The following LTBP4 variants were observed in gnomAD, a reference collection of about 807,000 sequenced individuals.
LTBP4 encodes the protein latent-transforming growth factor beta-binding protein 4.
A neutral mutation model predicts 180.2 loss-of-function variants in LTBP4; 93 were observed. The observed-to-expected ratio is 0.52, with a 90% CI of 0.44 to 0.61. The LOEUF (loss-of-function observed/expected upper bound fraction) is 0.61. Among genes scored for constraint, LTBP4 ranks in the 20% least tolerant of loss-of-function variants. LTBP4 has a pLI of 0.00. For synonymous variants in LTBP4, 947 were observed against 934.5 expected, an observed-to-expected ratio of 1.01 and a Z score of -0.24; for missense variants, 2,116 against 2,256.5, an observed-to-expected ratio of 0.94 and a Z score of 1.26.
chr19:40,612,750 C>T (rs1466344181), intron 15 of LTBP4, among the ~76,000 whole-genome samples: 3 of 152,212 alleles, frequency 2.0e-5, no homozygotes, highest in African/African-American at 4.8e-5. Flanking sequence ...TCAGCCGAAT[C>T]CCATCCAATG....
Position 40,613,850 on chromosome 19 carries a change from G to C in LTBP4, c.2558-66G>C. 1 of 1,606,056 alleles carries C rather than the reference G, an allele frequency of 6.2e-7. No individual in the cohort carries two copies. The highest frequency in any genetic ancestry group is 1.1e-5 in the South Asian group (1 of 90,418). ...CTAGGAGAGCCGAGGGGCGGTGGAG[G>C]GGTGTGGCCTAGAATGTTAGGCGGA... On this transcript the variant is annotated intron_variant, in intron 17 of 29. Coordinates refer to ENST00000396819, the MANE Select transcript of LTBP4 (RefSeq NM_001042545.2). This position sits in a 1 kb window ranked among gnomAD's most constrained non-coding sequence, Gnocchi z 5.0.
chr19:40,622,680 T>C lies in LTBP4; in HGVS notation c.3484+13T>C. The C allele has an allele frequency of 1.9e-6, 3 of 1,591,616 alleles. No individual in the cohort carries two copies. Among genetic ancestry groups the C allele is most frequent in the Non-Finnish European group, 1.7e-6 (2 of 1,169,544 alleles). ...GGCACCGAGACAGGTGGGCATGGGC[T>C]GATGGGGACACAGGGCTGAGGGCTT... is the stretch of plus-strand genomic sequence containing the variant. On this transcript the variant is annotated intron_variant, in intron 23 of 29. Coordinates refer to ENST00000396819, the MANE Select transcript of LTBP4 (RefSeq NM_001042545.2). This position sits in a 1 kb window ranked among gnomAD's most constrained non-coding sequence, Gnocchi z 5.1.
At position 40,609,346 on chromosome 19, in the gene LTBP4, G is replaced by A. The variant is rs1959770023; in HGVS notation, c.1427-184G>A. Among the ~76,000 whole-genome samples the A allele has an allele frequency of 6.6e-6, 1 of 152,148 alleles. No individual in the cohort carries two copies. The highest frequency in any genetic ancestry group is 2.1e-4 in the South Asian group (1 of 4,830). On this transcript the variant is annotated intron_variant, in intron 9 of 29. Coordinates refer to ENST00000396819, the MANE Select transcript of LTBP4 (RefSeq NM_001042545.2). This position sits in a 1 kb window ranked among gnomAD's most constrained non-coding sequence, Gnocchi z 4.9. ...TGGGGTGGCATGATGAGGGGATTCG[G>A]CCAAGGATCTGATGAGAACGTTCCA...
In LTBP4 at chr19:40,627,191, C is replaced by T. The variant is rs772507329; in HGVS notation, c.4202C>T (p.Ala1401Val). 12 of 1,612,096 alleles carry T rather than the reference C, an allele frequency of 7.4e-6. No individual in the cohort carries two copies. In the East Asian group the frequency reaches 2.0e-4, roughly 27 times the overall value. The change falls in exon 28 of 30, where the codon GCA (alanine) becomes GTA (valine). Residue 1401 changes from alanine to valine, a missense_variant. Ala to Val is a moderately conservative substitution (Grantham distance 64). Coordinates refer to ENST00000396819, the MANE Select transcript of LTBP4 (RefSeq NM_001042545.2). Reference protein sequence around the residue: ...PFARREAPYGAPRFDMPDFED... With the variant: ...PFARREAPYGVPRFDMPDFED... ...GCCCGCCGGGAGGCTCCTTATGGGGCACCCCGCTTCGACATGCCAGACTTT... is the reference window on the plus strand; with the variant it reads ...GCCCGCCGGGAGGCTCCTTATGGGGTACCCCGCTTCGACATGCCAGACTTT...
rs1053215900 is a variant in LTBP4, at chr19:40,609,856, G to A, written c.1669G>A (p.Ala557Thr). ...CGPGFRAGPR[A>T]AECLDVDECH... is the part of the protein sequence containing the mutation. ...CCCGGGCTTCCGAGCCGGCCCACGG[G>A]CTGCGGAATGCCTGGGTGAGAAATT... is the stretch of plus-strand genomic sequence containing the variant. Residue 557 changes from alanine to threonine, a missense_variant, in exon 11 of 30, where the codon GCT becomes ACT. Physicochemically the swap from Ala to Thr is moderately conservative, Grantham distance 58. This residue lies in a region of LTBP4 where 877 missense variants were observed against 873.6 expected (regional missense o/e 1.00). Transcript: ENST00000396819. The surrounding 1 kb of genome is among the most constrained non-coding windows in gnomAD (Gnocchi z 4.9). The A allele has an allele frequency of 6.3e-7, 1 of 1,579,602 alleles. No homozygotes were observed. The highest frequency in any genetic ancestry group is 1.8e-5 in the Admixed American group (1 of 56,798).
chr19:40,626,059 C>A, intron 27 of LTBP4, 50 bp downstream of exon 27: 1 of 1,517,568 alleles, frequency 6.6e-7, no homozygotes, highest in East Asian at 2.5e-5. Flanking sequence ...CCATGGGCTC[C>A]AAATCTAGGC....
intron 22 of LTBP4, among the ~76,000 whole-genome samples, chr19:40,620,224 T>C (rs2081576673): frequency 6.9e-6 from 1 of 144,796 alleles, no homozygotes; most frequent in African/African-American, 2.6e-5. Flanking sequence ...TTCGGCGTTT[T>C]TTTTTTGAAA....
At position 40,605,338 on chromosome 19, in the gene LTBP4, G is replaced by A. The variant is rs917605139; in HGVS notation, c.443-67G>A. The A allele has an allele frequency of 4.4e-6, 7 of 1,593,034 alleles. No homozygotes were observed. Among genetic ancestry groups the A allele is most frequent in the Admixed American group, 1.7e-5 (1 of 57,786 alleles). ...CACCTTTGCCCAGCTCGCCCTCCCCGCCTTGTCTAGCCCCACCCCGTAAGA... is the reference window on the plus strand; with the variant it reads ...CACCTTTGCCCAGCTCGCCCTCCCCACCTTGTCTAGCCCCACCCCGTAAGA... On this transcript the variant is annotated intron_variant, in intron 2 of 29. Transcript: ENST00000396819. The surrounding 1 kb of genome is among the most constrained non-coding windows in gnomAD (Gnocchi z 5.5).
chr19:40,594,085 G>A (rs768251955), intron 1 of LTBP4, among the ~76,000 whole-genome samples: 1 of 151,764 alleles, frequency 6.6e-6, no homozygotes, highest in Non-Finnish European at 1.5e-5. Context: ...GACGTGAGCC[G>A]GCCTTATTCT....
At chr19:40,597,019 G>T (rs2081394099), upstream of LTBP4, among the ~76,000 whole-genome samples, 1 of 152,090 alleles carries the variant, frequency 6.6e-6, no homozygotes, top group African/African-American at 2.4e-5. Context: ...CGCGCCCCTA[G>T]TCCGGCACCT....
chr19:40,594,402 A>T (rs539849613), intron 1 of LTBP4: 1 of 150,094 alleles, frequency 6.7e-6, no homozygotes, highest in South Asian at 2.1e-4. Context: ...GGAGCTGGGG[A>T]CTCCAAATTC....
upstream of LTBP4, chr19:40,599,221 G>A: frequency 6.2e-7 from 1 of 1,612,394 alleles, no homozygotes. Context: ...GCTGCTGCCC[G>A]GGCCAGACGT....
In LTBP4 at chr19:40,605,129, G is replaced by A. The variant is rs35364645; in HGVS notation, c.345G>A (p.Leu115=). ...PPDFAGKFCQ[L]HSSGARPPAP... ...ACTTCGCTGGCAAGTTCTGCCAGTTGCACTCCTCGGGCGCCCGGCCCCCGG... is the reference window on the plus strand; with the variant it reads ...ACTTCGCTGGCAAGTTCTGCCAGTTACACTCCTCGGGCGCCCGGCCCCCGG... The change falls in exon 2 of 30, where the codon TTG becomes TTA. Residue 115 remains leucine (L), a synonymous_variant. Coordinates refer to ENST00000396819, the MANE Select transcript of LTBP4 (RefSeq NM_001042545.2). This position sits in a 1 kb window ranked among gnomAD's most constrained non-coding sequence, Gnocchi z 5.5. The A allele has an allele frequency of 1.1e-5, 17 of 1,613,646 alleles. 1 individual carries two copies. The African/African-American group carries it at 2.1e-4, about 20-fold the overall frequency.
At chr19:40,620,112 G>A (rs1199887916) in intron 22 of LTBP4, among the ~76,000 whole-genome samples, 19 of 152,172 alleles carry the variant, frequency 1.2e-4, no homozygotes, top group Non-Finnish European at 1.5e-5. Context: ...GATTTAGAGA[G>A]CAAAGGAAGG....
chr19:40,597,647 T>G (rs897630868), upstream of LTBP4, among the ~76,000 whole-genome samples: 4 of 151,460 alleles, frequency 2.6e-5, no homozygotes, highest in African/African-American at 9.7e-5. Flanking sequence ...AGGTCTCTAG[T>G]TTATTGGGGC....
At chr19:40,608,740 G>C (rs1176195811) in intron 9 of LTBP4, 137 bp downstream of exon 9, 1 of 961,704 alleles carries the variant, frequency 1.0e-6, no homozygotes, top group Non-Finnish European at 1.5e-6. Flanking sequence ...GCGAAACCCT[G>C]TCTCTACTAA....
In LTBP4 at chr19:40,611,736, G is replaced by T. The variant is rs373086979; in HGVS notation, c.2054-123G>T. 38 of 1,416,220 alleles carry T rather than the reference G, an allele frequency of 2.7e-5. No individual in the cohort carries two copies. The East Asian group carries it at 5.3e-4, about 20-fold the overall frequency. 87.7% of individuals were successfully genotyped at this position (1,416,220 alleles called of 1,614,324 possible). ...AGGAAGGTGTCTGTCTTCCTGGGAAGAGGGAGCAGCCTGAGGCAAGTCCAG... is the reference window on the plus strand; with the variant it reads ...AGGAAGGTGTCTGTCTTCCTGGGAATAGGGAGCAGCCTGAGGCAAGTCCAG... On this transcript the variant is annotated intron_variant, in intron 13 of 29. Transcript: ENST00000396819. The surrounding 1 kb of genome is among the most constrained non-coding windows in gnomAD (Gnocchi z 4.4).
At chr19:40,621,099 G>A (rs746220892) in intron 22 of LTBP4, among the ~76,000 whole-genome samples, 4 of 151,978 alleles carry the variant, frequency 2.6e-5, no homozygotes, top group African/African-American at 7.3e-5. Flanking sequence ...CCGCCACCAC[G>A]CCCAGCTAAT....
chr19:40,607,326 C>T (rs2081470347), intron 6 of LTBP4, 39 bp from the exon 7 acceptor site: 2 of 1,582,412 alleles, frequency 1.3e-6, no homozygotes, highest in Non-Finnish European at 8.6e-7. Flanking sequence ...ACAGCATTCC[C>T]AGCCCCGCCC....
Sources: allele counts gnomAD v4.1 joint callset (sites outside exome capture counted in the v4.1 genomes callset), GRCh38; gene constraint gnomAD v4.1.1; regional missense constraint gnomAD v4.1.1; non-coding constraint Gnocchi (gnomAD v3.1); transcripts MANE v1.5; gene names NCBI Gene and HGNC (gene_info 2026-07-23, HGNC 2026-07-21).